ADAMTSL1: variants seen among roughly 807,000 people sequenced by gnomAD.
ADAMTSL1 encodes the protein ADAMTS like 1, also known as ADAMTS-like protein 1.
ADAMTSL1 carries 126 observed loss-of-function variants against 201.8 expected under a neutral mutation model. The ratio of observed to expected loss-of-function variants is 0.62; its 90% CI spans 0.54 to 0.72. The LOEUF (loss-of-function observed/expected upper bound fraction) is 0.72. Among genes scored for constraint, ADAMTSL1 ranks in the 30% least tolerant of loss-of-function variants. The pLI, the probability that ADAMTSL1 is intolerant of heterozygous loss-of-function variation, is 0.00. For synonymous variants in ADAMTSL1, 1,121 were observed against 903.4 expected (o/e 1.24, Z -4.32); for missense variants, 2,679 against 2,277.8 (o/e 1.18, Z -3.59).
intron 1 of ADAMTSL1, among the ~76,000 whole-genome samples, chr9:17,968,102 C>T (rs113654058): frequency 2.4e-4 from 37 of 152,208 alleles, no homozygotes; most frequent in African/African-American, 8.9e-4. Flanking sequence ...TTACTCTCTT[C>T]CTGGGTCTCT....
chr9:18,801,501 C>G (rs1822800462), intron 20 of ADAMTSL1, among the ~76,000 whole-genome samples: 1 of 152,104 alleles, frequency 6.6e-6, no homozygotes. Flanking sequence ...TACCCAATAG[C>G]TATTTTTTCA....
At chr9:17,922,086 G>GA (rs1826325317) in intron 1 of ADAMTSL1, among the ~76,000 whole-genome samples, 7 of 42,704 alleles carry the variant, frequency 1.6e-4, no homozygotes, top group African/African-American at 4.8e-4. Context: ...TGCAGTTCAG[G>GA]CTTTTTTTTT....
intron 1 of ADAMTSL1, among the ~76,000 whole-genome samples, chr9:18,095,377 C>T (rs1824200440): frequency 6.7e-6 from 1 of 148,776 alleles, no homozygotes; most frequent in South Asian, 2.2e-4. Flanking sequence ...ATCAATTTGA[C>T]ACGTTTTTAG....
chr9:17,947,248 A>G (rs919662555), intron 1 of ADAMTSL1, among the ~76,000 whole-genome samples: 4 of 151,532 alleles, frequency 2.6e-5, no homozygotes, highest in African/African-American at 9.7e-5. Flanking sequence ...ATGTGTTTGT[A>G]TATATATACA....
At chr9:18,542,020 C>A (rs75035062) in intron 3 of ADAMTSL1, among the ~76,000 whole-genome samples, 3,429 of 152,268 alleles carry the variant, frequency 0.023, 97 homozygotes, top group African/African-American at 0.072. Context: ...TGTGTGGCAC[C>A]ATCCCAAGGC....
chr9:18,744,636 A>G (rs556422346), intron 15 of ADAMTSL1, among the ~76,000 whole-genome samples: 19 of 152,356 alleles, frequency 1.2e-4, no homozygotes, highest in African/African-American at 4.3e-4. Flanking sequence ...CTTGAACCTC[A>G]TAACAGCCCT....
At chr9:18,649,163 C>A (rs1051439968) in intron 7 of ADAMTSL1, among the ~76,000 whole-genome samples, 2 of 152,248 alleles carry the variant, frequency 1.3e-5, no homozygotes, top group African/African-American at 4.8e-5. Flanking sequence ...GATAACCTTT[C>A]TTCCAGTTGA....
At chr9:17,985,710 C>G (rs935155542) in intron 1 of ADAMTSL1, among the ~76,000 whole-genome samples, 1 of 152,060 alleles carries the variant, frequency 6.6e-6, no homozygotes, top group Non-Finnish European at 1.5e-5. Context: ...ACATGGGAAG[C>G]AAGCTTAGCA....
rs12554232 is a variant in ADAMTSL1, at chr9:18,752,237, A to T, written c.2007-1061A>T. On this transcript the variant is annotated intron_variant, in intron 15 of 28. Transcript: ENST00000380548. The stretch of plus-strand genomic sequence containing the variant: ...GTAGATGAAAGGAGGTAGTGGAAAC[A>T]GGTTGGAAAGTTAGTTACATGTCAG... Among the ~76,000 whole-genome samples, 3 of 151,634 alleles carry T rather than the reference A, an allele frequency of 2.0e-5. No individual in the cohort carries two copies. The South Asian group carries it at 6.3e-4, about 32-fold the overall frequency.
intron 1 of ADAMTSL1, among the ~76,000 whole-genome samples, chr9:17,986,368 C>T (rs1412153072): frequency 1.3e-5 from 2 of 151,976 alleles, no homozygotes; most frequent in Non-Finnish European, 2.9e-5. Context: ...TTCAGTTGTC[C>T]ACATGGCAGA....
rs540250662 is a variant in ADAMTSL1, at chr9:18,385,251, T to G, written c.208-119578T>G. On this transcript the variant is annotated intron_variant, in intron 2 of 29. Coordinates refer to the ADAMTSL1 transcript ENST00000680146. ...TCAGAATTGACCCTTTGCCTGCATT[T>G]CTTGGACTATTCCCTGGGTGTCTGG... is the stretch of plus-strand genomic sequence containing the variant. Among the ~76,000 whole-genome samples, 26 of 152,258 alleles carry G rather than the reference T, an allele frequency of 1.7e-4. No homozygotes were observed. In the South Asian group the frequency reaches 5.2e-3, roughly 30 times the overall value.
chr9:18,759,280 G>T (rs1447364346), intron 16 of ADAMTSL1, among the ~76,000 whole-genome samples: 1 of 152,156 alleles, frequency 6.6e-6, no homozygotes, highest in Non-Finnish European at 1.5e-5. Context: ...AAAAGCATAA[G>T]GGAGAGGAGT....
intron 5 of ADAMTSL1, among the ~76,000 whole-genome samples, chr9:18,626,874 T>TCTTTCTTC (rs1233127446): frequency 8.9e-6 from 1 of 112,918 alleles, no homozygotes; most frequent in African/African-American, 4.1e-5. Flanking sequence ...TTTCTGTCTT[T>TCTTTCTTC]CTTCCTTCCT....
intron 1 of ADAMTSL1, among the ~76,000 whole-genome samples, chr9:18,482,088 C>T (rs1043576145): frequency 1.3e-5 from 2 of 152,274 alleles, no homozygotes; most frequent in Non-Finnish European, 2.9e-5. Flanking sequence ...AGAATTATAC[C>T]TAAAGTTCTT....
intron 19 of ADAMTSL1, among the ~76,000 whole-genome samples, chr9:18,785,122 C>G (rs1290671379): frequency 6.6e-6 from 1 of 151,982 alleles, no homozygotes; most frequent in Non-Finnish European, 1.5e-5. Flanking sequence ...TGGTATCGTG[C>G]CACTGCATTC....
chr9:18,801,042 T>G (rs1210116188), intron 20 of ADAMTSL1, among the ~76,000 whole-genome samples: 1 of 152,188 alleles, frequency 6.6e-6, no homozygotes, highest in East Asian at 1.9e-4. Flanking sequence ...AAGGAAGGCA[T>G]GCAGCCTGGG....
At chr9:18,450,025 T>G (rs1289602084) in intron 2 of ADAMTSL1, among the ~76,000 whole-genome samples, 1 of 152,186 alleles carries the variant, frequency 6.6e-6, no homozygotes, top group African/African-American at 2.4e-5. Flanking sequence ...TTCCTAGGTA[T>G]TTATACAAGA....
chr9:18,442,346 A>C (rs1820028875), intron 2 of ADAMTSL1, among the ~76,000 whole-genome samples: 1 of 152,228 alleles, frequency 6.6e-6, no homozygotes, highest in African/African-American at 2.4e-5. Flanking sequence ...AGAAAAAAGA[A>C]AACAACTTTC....
At chr9:18,102,071 G>A (rs1029479779) in intron 1 of ADAMTSL1, among the ~76,000 whole-genome samples, 11 of 152,238 alleles carry the variant, frequency 7.2e-5, no homozygotes, top group African/African-American at 1.2e-4. Flanking sequence ...TGAGAAAGGC[G>A]TTACTTAATA....
Sources: gnomAD v4.1 joint callset for allele counts (sites outside exome capture counted in the v4.1 genomes callset) on GRCh38, gnomAD v4.1.1 for gene constraint, MANE v1.5 for transcripts, NCBI Gene and HGNC (gene_info 2026-07-23, HGNC 2026-07-21) for gene names.